The following UGT8 variants were observed in gnomAD, a reference collection of about 807,000 sequenced individuals.
The protein encoded by UGT8 is UDP glycosyltransferase 8.
A neutral mutation model predicts 40.5 loss-of-function variants in UGT8; 12 were observed. The observed-to-expected ratio is 0.30, with a 90% confidence interval of 0.19 to 0.48. UGT8 has a LOEUF of 0.48. UGT8 is among the 20% of genes least tolerant of loss of function. The pLI is 0.99. For missense variants in UGT8, 513 were observed against 648.7 expected (o/e 0.79, Z 2.27); for synonymous variants, 224 against 240.4 (o/e 0.93, Z 0.63).
chr4:114,622,558 T>C, intron 1 of UGT8: 1 of 257,322 alleles, frequency 3.9e-6, no homozygotes, highest in Non-Finnish European at 7.6e-6. Context: ...CCACCAACAG[T>C]GTAAAAGTGT....
intron 5 of UGT8, among the ~76,000 whole-genome samples, chr4:114,671,465 T>C (rs1005380087): frequency 1.3e-5 from 2 of 152,096 alleles, no homozygotes; most frequent in African/African-American, 4.8e-5. Context: ...ATGGTACTGG[T>C]ACCAAAACAG....
intron 5 of UGT8, among the ~76,000 whole-genome samples, chr4:114,670,430 C>CAAAAAAA (rs70964319): frequency 5.2e-5 from 3 of 57,330 alleles, no homozygotes; most frequent in African/African-American, 9.6e-5. Context: ...GACTCTGTCT[C>CAAAAAAA]AAAAAAAAAA....
chr4:114,635,593 T>G (rs1314379810), intron 2 of UGT8, among the ~76,000 whole-genome samples: 1 of 152,212 alleles, frequency 6.6e-6, no homozygotes, highest in Admixed American at 6.5e-5. Flanking sequence ...GTAAAATATT[T>G]ATTTAGAAAC....
chr4:114,649,777 C>G (rs1247654264), intron 2 of UGT8, among the ~76,000 whole-genome samples: 1 of 152,028 alleles, frequency 6.6e-6, no homozygotes, highest in African/African-American at 2.4e-5. Flanking sequence ...GAAGTGTCTT[C>G]CACAATGATC....
chr4:114,601,821 CT>C (rs1730459383), intron 1 of UGT8, among the ~76,000 whole-genome samples: 1 of 146,986 alleles, frequency 6.8e-6, no homozygotes, highest in South Asian at 2.2e-4. Context: ...TACCATTCTT[CT>C]TTTTATGTTT....
rs1387414791 is a variant in UGT8, at chr4:114,675,898, A to ATTC, written c.1263-25_1263-23dup. 3.8e-6 allele frequency: 6 copies of ATTC among 1,575,578 alleles called. No homozygotes were observed. The African/African-American group carries it at 8.3e-5, about 22-fold the overall frequency. ...ATAGAACTTTATTATAAGCATCATC[A>ATTC]TTCTGTGTTTTGTCCCCTCTCCATA... On this transcript the variant is annotated intron_variant, in intron 5 of 5. Transcript: ENST00000310836.
At chr4:114,615,176 T>C (rs1346039381) in intron 1 of UGT8, among the ~76,000 whole-genome samples, 1 of 152,104 alleles carries the variant, frequency 6.6e-6, no homozygotes, top group African/African-American at 2.4e-5. Context: ...TATGAGTACA[T>C]TAATTTACTA....
At chr4:114,669,566 C>A (rs1735106809) in intron 5 of UGT8, among the ~76,000 whole-genome samples, 2 of 151,954 alleles carry the variant, frequency 1.3e-5, no homozygotes, top group Admixed American at 1.3e-4. Context: ...AAGGAAAGAG[C>A]AAAAATCTAG....
At chr4:114,617,147 A>C (rs1731493084) in intron 1 of UGT8, among the ~76,000 whole-genome samples, 1 of 152,108 alleles carries the variant, frequency 6.6e-6, no homozygotes, top group African/African-American at 2.4e-5. Context: ...CCAGCTACTC[A>C]GGAGGCTGAG....
At chr4:114,625,717 T>G (rs1732171164) in intron 2 of UGT8, among the ~76,000 whole-genome samples, 1 of 152,108 alleles carries the variant, frequency 6.6e-6, no homozygotes, top group Non-Finnish European at 1.5e-5. Flanking sequence ...ATCCAAGCAT[T>G]TTTTTCTGTC....
chr4:114,609,568 C>T (rs1349717280), intron 1 of UGT8, among the ~76,000 whole-genome samples: 1 of 151,934 alleles, frequency 6.6e-6, no homozygotes, highest in Non-Finnish European at 1.5e-5. Context: ...TTTTCTGCCT[C>T]TTGTAGGGAA....
At chr4:114,626,408 G>A (rs1368189103) in intron 2 of UGT8, among the ~76,000 whole-genome samples, 2 of 152,166 alleles carry the variant, frequency 1.3e-5, no homozygotes, top group African/African-American at 4.8e-5. Flanking sequence ...CTTACACTGG[G>A]CATAGATTAG....
intron 2 of UGT8, among the ~76,000 whole-genome samples, chr4:114,634,503 C>G (rs1374942113): frequency 6.6e-6 from 1 of 152,128 alleles, no homozygotes; most frequent in East Asian, 1.9e-4. Context: ...TAAAGGATAA[C>G]TAGAAAAAGT....
At chr4:114,632,202 G>A (rs1273078915) in intron 2 of UGT8, among the ~76,000 whole-genome samples, 1 of 152,192 alleles carries the variant, frequency 6.6e-6, no homozygotes, top group Non-Finnish European at 1.5e-5. Context: ...AACATAGAGA[G>A]TTAATTAGCT....
At chr4:114,650,822 A>T (rs1047144173) in intron 2 of UGT8, among the ~76,000 whole-genome samples, 1 of 152,040 alleles carries the variant, frequency 6.6e-6, no homozygotes, top group African/African-American at 2.4e-5. Flanking sequence ...TCTTTCACTG[A>T]TATATTTCTT....
chr4:114,630,634 T>G (rs1250283872), intron 2 of UGT8, among the ~76,000 whole-genome samples: 2 of 151,606 alleles, frequency 1.3e-5, no homozygotes, highest in African/African-American at 2.4e-5. Context: ...GTTTCCATCT[T>G]GGGGATTTTT....
rs73849521 is a variant in UGT8 at position 114,675,199 on chromosome 4, A to G, written c.1263-726A>G. On this transcript the variant is annotated intron_variant, in intron 5 of 5. Coordinates refer to ENST00000310836, the MANE Select transcript of UGT8 (RefSeq NM_001128174.3). ...TATTGCTTAAAAAGTGATAGAATGA[A>G]GTTCTGTATCTTTTTCTCCATCTTT... is the stretch of plus-strand genomic sequence containing the variant. 4.9e-3 allele frequency among the ~76,000 whole-genome samples: 747 copies of G among 152,300 alleles called. 7 individuals carry two copies. The highest frequency in any genetic ancestry group is 0.017 in the African/African-American group (710 of 41,568).
At chr4:114,620,292 C>T (rs1731705667) in intron 1 of UGT8, among the ~76,000 whole-genome samples, 1 of 152,188 alleles carries the variant, frequency 6.6e-6, no homozygotes, top group African/African-American at 2.4e-5. Flanking sequence ...CAAGTACTCA[C>T]CTCTCGAATA....
intron 2 of UGT8, among the ~76,000 whole-genome samples, chr4:114,660,892 A>G: frequency 7.4e-6 from 1 of 135,056 alleles, no homozygotes; most frequent in South Asian, 2.2e-4. Context: ...CTCTGTCTCA[A>G]AAAAAAAAAA....
Sources: gnomAD v4.1 joint callset for allele counts (sites outside exome capture counted in the v4.1 genomes callset) on GRCh38, gnomAD v4.1.1 for gene constraint, MANE v1.5 for transcripts, NCBI Gene and HGNC (gene_info 2026-07-23, HGNC 2026-07-21) for gene names.